TMEM178B: variants seen among roughly 807,000 people sequenced by gnomAD.
The protein encoded by TMEM178B is transmembrane protein 178B.
TMEM178B carries 5 observed loss-of-function variants against 31.0 expected under a neutral mutation model. That is an observed-to-expected ratio of 0.16 (90% CI 0.08 to 0.34). The LOEUF (loss-of-function observed/expected upper bound fraction) is 0.34. Among genes scored for constraint, TMEM178B ranks in the 10% least tolerant of loss-of-function variants. TMEM178B has a pLI of 1.00. For missense variants in TMEM178B, 275 were observed against 400.3 expected, an observed-to-expected ratio of 0.69 and a Z score of 2.67; for synonymous variants, 164 against 164.0, an observed-to-expected ratio of 1.00 and a Z score of 0.00.
chr7:141,336,195 C>T (rs1483090808), intron 2 of TMEM178B, among the ~76,000 whole-genome samples: 2 of 152,142 alleles, frequency 1.3e-5, no homozygotes, highest in African/African-American at 2.4e-5. Flanking sequence ...CTCATCCTGA[C>T]TCTTTTTACC....
intron 1 of TMEM178B, among the ~76,000 whole-genome samples, chr7:141,210,567 G>C (rs1031918832): frequency 1.3e-5 from 2 of 152,138 alleles, no homozygotes; most frequent in South Asian, 2.1e-4. Context: ...ATCAATAACA[G>C]AGTTTCCCAC....
At chr7:141,249,870 C>T (rs919056734) in intron 2 of TMEM178B, among the ~76,000 whole-genome samples, 2 of 152,256 alleles carry the variant, frequency 1.3e-5, no homozygotes, top group South Asian at 2.1e-4. Context: ...ATGAGACTTT[C>T]CTTTATCTAA....
intron 2 of TMEM178B, among the ~76,000 whole-genome samples, chr7:141,288,537 C>T (rs183369394): frequency 8.8e-4 from 133 of 151,910 alleles, no homozygotes; most frequent in African/African-American, 2.8e-3. Context: ...AAGAAAAACC[C>T]TCTTTGATTG....
intron 2 of TMEM178B, among the ~76,000 whole-genome samples, chr7:141,225,429 ATT>A (rs35863340): frequency 0.036 from 5,538 of 151,832 alleles, 358 homozygotes; most frequent in African/African-American, 0.13. Context: ...CACAACAGGA[ATT>A]TTTTTTTCTA....
At chr7:141,433,199 G>C (rs1415463967) in intron 2 of TMEM178B, among the ~76,000 whole-genome samples, 1 of 152,226 alleles carries the variant, frequency 6.6e-6, no homozygotes, top group Non-Finnish European at 1.5e-5. Context: ...AGTCAAGGGA[G>C]AGAGGAATCC....
intron 2 of TMEM178B, among the ~76,000 whole-genome samples, chr7:141,341,144 T>C (rs1382549091): frequency 6.6e-6 from 1 of 152,228 alleles, no homozygotes; most frequent in Non-Finnish European, 1.5e-5. Flanking sequence ...TTTGGAGTTA[T>C]CTGCACACAA....
rs143630952 is a variant in TMEM178B at position 141,457,859 on chromosome 7, T to A, written c.635-12677T>A. Among the ~76,000 whole-genome samples, 846 of 152,366 alleles carry A rather than the reference T, an allele frequency of 5.6e-3. 1 individual carries two copies. Among genetic ancestry groups the A allele is most frequent in the Non-Finnish European group, 8.9e-3 (605 of 68,036 alleles). On this transcript the variant is annotated intron_variant, in intron 3 of 3. Transcript: ENST00000565468. ...ATTTTGTGGTTAAGATTTTGATGTA[T>A]AGGCATGGAATGTTATCAAAAGCAC... is the stretch of plus-strand genomic sequence containing the variant.
At position 141,252,348 on chromosome 7, in the gene TMEM178B, C is replaced by T. The variant is rs117588010; in HGVS notation, c.496+39644C>T. On this transcript the variant is annotated intron_variant, in intron 2 of 3. Transcript: ENST00000565468. ...TGAGCCCTCTGTCCTGCAGGCACAGCCTCACAGGTTCTGGAGTTCAGGATG... is the reference window on the plus strand; with the variant it reads ...TGAGCCCTCTGTCCTGCAGGCACAGTCTCACAGGTTCTGGAGTTCAGGATG... 4.9e-4 allele frequency among the ~76,000 whole-genome samples: 74 copies of T among 152,276 alleles called. 1 individual carries two copies. In the East Asian group the frequency reaches 0.01, roughly 22 times the overall value.
At chr7:141,303,226 G>C (rs765598176) in intron 2 of TMEM178B, among the ~76,000 whole-genome samples, 6 of 152,038 alleles carry the variant, frequency 3.9e-5, no homozygotes, top group Non-Finnish European at 7.4e-5. Context: ...TCATGTGACC[G>C]TGTAGCTTTT....
intron 2 of TMEM178B, among the ~76,000 whole-genome samples, chr7:141,231,770 G>A (rs1253464868): frequency 6.6e-6 from 1 of 152,216 alleles, no homozygotes; most frequent in Non-Finnish European, 1.5e-5. Flanking sequence ...AGCCTAGGCA[G>A]CATTGCTTTT....
In TMEM178B at chr7:141,271,557, C is replaced by A. The variant is rs189965798; in HGVS notation, c.496+58853C>A. On this transcript the variant is annotated intron_variant, in intron 2 of 3. Transcript: ENST00000565468. The stretch of plus-strand genomic sequence containing the variant: ...TCCCTTTTCCTGAATCACTCCCTTA[C>A]ATTCATTTTCATGAAAGGCACCATG... Among the ~76,000 whole-genome samples, 11 of 152,286 alleles carry A rather than the reference C, an allele frequency of 7.2e-5. No homozygotes were observed. In the East Asian group the frequency reaches 1.9e-3, roughly 27 times the overall value.
At chr7:141,279,463 G>A (rs1025854230) in intron 2 of TMEM178B, among the ~76,000 whole-genome samples, 3 of 152,114 alleles carry the variant, frequency 2.0e-5, no homozygotes, top group Admixed American at 6.5e-5. Flanking sequence ...TTAAATATTG[G>A]GAAACACTGT....
chr7:141,296,349 T>G (rs1798633895), intron 2 of TMEM178B, among the ~76,000 whole-genome samples: 1 of 152,152 alleles, frequency 6.6e-6, no homozygotes, highest in African/African-American at 2.4e-5. Flanking sequence ...ATTACAGGTG[T>G]GAGCCACTGC....
chr7:141,263,768 C>G (rs766934792), intron 2 of TMEM178B, among the ~76,000 whole-genome samples: 1 of 152,128 alleles, frequency 6.6e-6, no homozygotes, highest in Non-Finnish European at 1.5e-5. Context: ...AGGAACAGCC[C>G]GCAAGACTGC....
intron 1 of TMEM178B, among the ~76,000 whole-genome samples, chr7:141,080,077 C>G (rs1368078910): frequency 6.6e-6 from 1 of 152,190 alleles, no homozygotes; most frequent in East Asian, 1.9e-4. Context: ...AATCTCAATT[C>G]TAAATTGAAG....
At chr7:141,263,769 G>T (rs551076383) in intron 2 of TMEM178B, among the ~76,000 whole-genome samples, 1 of 152,156 alleles carries the variant, frequency 6.6e-6, no homozygotes, top group Non-Finnish European at 1.5e-5. Flanking sequence ...GGAACAGCCC[G>T]CAAGACTGCC....
intron 2 of TMEM178B, among the ~76,000 whole-genome samples, chr7:141,319,462 T>C (rs1346537017): frequency 6.6e-6 from 1 of 152,242 alleles, no homozygotes; most frequent in Non-Finnish European, 1.5e-5. Flanking sequence ...TTTTTCATGG[T>C]GGAAAGATGT....
chr7:141,430,503 C>T (rs1586954830), intron 2 of TMEM178B, among the ~76,000 whole-genome samples: 1 of 152,266 alleles, frequency 6.6e-6, no homozygotes, highest in East Asian at 1.9e-4. Flanking sequence ...CATGTGGAAA[C>T]AGACCCAGAG....
chr7:141,126,071 G>A (rs1795490199), intron 1 of TMEM178B, among the ~76,000 whole-genome samples: 1 of 152,184 alleles, frequency 6.6e-6, no homozygotes, highest in Admixed American at 6.5e-5. Flanking sequence ...GTTACCAAGC[G>A]ATGACCAGAT....
Sources: gnomAD v4.1 joint callset for allele counts (sites outside exome capture counted in the v4.1 genomes callset) on GRCh38, gnomAD v4.1.1 for gene constraint, MANE v1.5 for transcripts, NCBI Gene and HGNC (gene_info 2026-07-23, HGNC 2026-07-21) for gene names.